Variants in TTLL13 observed in about 807,000 individuals in gnomAD.
TTLL13 encodes the protein tubulin polyglutamylase TTLL13.
At chr15:90,261,733 T>C in the TTLL13 span, among the ~76,000 whole-genome samples, 48 of 152,110 alleles carry the variant, frequency 3.2e-4, 1 homozygote, top group Non-Finnish European at 7.4e-5. Context: ...TGAGCAGAGA[T>C]TGTGCCAGTG....
At chr15:90,265,405 G>C in the TTLL13 span, 1 of 1,267,060 alleles carries the variant, frequency 7.9e-7, no homozygotes, top group East Asian at 4.1e-5. Context: ...AGGCAGGCCT[G>C]GGCAGCCGCT....
At chr15:90,256,221 G>A in the TTLL13 span, 17 of 1,614,074 alleles carry the variant, frequency 1.1e-5, no homozygotes, top group East Asian at 2.2e-4. Flanking sequence ...TGTCAGGGAC[G>A]TGGCATCTTC....
At chr15:90,250,634 G>C in the TTLL13 span, 7 of 1,612,588 alleles carry the variant, frequency 4.3e-6, no homozygotes, top group Admixed American at 3.3e-5. Context: ...TGAGAGAATG[G>C]AGCCGAGTAC....
chr15:90,251,114 CTT>C, the TTLL13 span, among the ~76,000 whole-genome samples: 38 of 104,626 alleles, frequency 3.6e-4, 1 homozygote, highest in African/African-American at 7.1e-4. Context: ...CCTGGTCTGT[CTT>C]TTTTTTTTTT....
the TTLL13 span, chr15:90,251,664 G>A: frequency 3.8e-5 from 60 of 1,559,998 alleles, no homozygotes; most frequent in African/African-American, 7.5e-4. Flanking sequence ...TCTTCCTCTG[G>A]AATGGACCCC....
the TTLL13 span, chr15:90,264,010 A>G: frequency 6.5e-7 from 1 of 1,536,098 alleles, no homozygotes; most frequent in African/African-American, 1.4e-5. Flanking sequence ...GTCAATGAAG[A>G]AGGCTGGGAG....
chr15:90,260,850 CAAAA>C, the TTLL13 span, among the ~76,000 whole-genome samples: 3 of 60,210 alleles, frequency 5.0e-5, no homozygotes, highest in South Asian at 5.4e-4. Flanking sequence ...GACTCTGTCT[CAAAA>C]AAAAAAAAAA....
the TTLL13 span, chr15:90,258,802 A>G: frequency 6.2e-7 from 1 of 1,614,172 alleles, no homozygotes. Context: ...TAAAGGATGC[A>G]CTTCTCTGTG....
the TTLL13 span, chr15:90,263,397 T>C: frequency 1.6e-5 from 8 of 505,096 alleles, no homozygotes; most frequent in African/African-American, 5.8e-5. Context: ...GGAAACTTGC[T>C]CTCTATATTC....
chr15:90,250,279 T>C, the TTLL13 span, among the ~76,000 whole-genome samples: 1 of 152,098 alleles, frequency 6.6e-6, no homozygotes, highest in Non-Finnish European at 1.5e-5. Flanking sequence ...CTCACAGCCA[T>C]CCTCTTTCCC....
chr15:90,258,590 CAG>C, the TTLL13 span: 2 of 665,640 alleles, frequency 3.0e-6, no homozygotes, highest in South Asian at 1.8e-5. Flanking sequence ...ATCTCTATGG[CAG>C]AGTTTTGTGG....
the TTLL13 span, chr15:90,253,487 A>G: frequency 7.0e-6 from 4 of 571,748 alleles, no homozygotes; most frequent in Non-Finnish European, 1.2e-5. Flanking sequence ...TGCAGACAAG[A>G]AAGACCACCC....
chr15:90,264,003 A>G, the TTLL13 span: 14 of 1,536,004 alleles, frequency 9.1e-6, no homozygotes, highest in South Asian at 1.5e-4. Flanking sequence ...GTTCATTGTC[A>G]ATGAAGAAGG....
chr15:90,253,480 A>G, the TTLL13 span: 1 of 588,098 alleles, frequency 1.7e-6, no homozygotes, highest in Non-Finnish European at 2.9e-6. Flanking sequence ...CCCCTTGTGC[A>G]GACAAGAAAG....
At chr15:90,261,321 C>T in the TTLL13 span, among the ~76,000 whole-genome samples, 1 of 151,104 alleles carries the variant, frequency 6.6e-6, no homozygotes, top group African/African-American at 2.4e-5. Flanking sequence ...TCAAGTGATC[C>T]ACCCGCCTTG....
chr15:90,253,110 G>GT, the TTLL13 span: 1 of 562,854 alleles, frequency 1.8e-6, no homozygotes, highest in Non-Finnish European at 3.2e-6. Context: ...GGTAACTAAA[G>GT]TACAGGGCTG....
At chr15:90,256,700 CTT>C in the TTLL13 span, among the ~76,000 whole-genome samples, 2 of 151,120 alleles carry the variant, frequency 1.3e-5, no homozygotes, top group African/African-American at 2.4e-5. Flanking sequence ...CTCTCTCTCT[CTT>C]TCTTTCGATG....
the TTLL13 span, among the ~76,000 whole-genome samples, chr15:90,264,380 C>T: frequency 2.6e-5 from 4 of 152,062 alleles, no homozygotes; most frequent in Non-Finnish European, 5.9e-5. Context: ...TTGTTTTTGC[C>T]ACGTAGCCCA....
At chr15:90,263,249 CA>C in the TTLL13 span, 13 of 1,092,744 alleles carry the variant, frequency 1.2e-5, no homozygotes, top group East Asian at 3.1e-4. Context: ...TGGTATCTGT[CA>C]GTGGAGCCTG....
Sources: gnomAD v4.1 joint callset for allele counts (sites outside exome capture counted in the v4.1 genomes callset) on GRCh38, gnomAD v4.1.1 for gene constraint, MANE v1.5 for transcripts, NCBI Gene and HGNC (gene_info 2026-07-23, HGNC 2026-07-21) for gene names.